The following CCDC171 variants were observed in gnomAD, a reference collection of about 807,000 sequenced individuals.
CCDC171 encodes coiled-coil domain-containing protein 171.
Under a neutral mutation model 168.2 loss-of-function variants are expected in CCDC171, and 177 were observed. That is an observed-to-expected ratio of 1.05 (90% confidence interval 0.93 to 1.19). The LOEUF is 1.19. Among genes scored for constraint, CCDC171 ranks in the 50% most tolerant of loss-of-function variants. CCDC171 has a pLI of 0.00. For missense variants in CCDC171, 1,991 were observed against 1,539.0 expected, an observed-to-expected ratio of 1.29 and a Z score of -4.91; for synonymous variants, 687 against 540.8, an observed-to-expected ratio of 1.27 and a Z score of -3.75.
chr9:15,878,345 C>T (rs1383030135), intron 24 of CCDC171, among the ~76,000 whole-genome samples: 2 of 151,870 alleles, frequency 1.3e-5, no homozygotes, highest in East Asian at 1.9e-4. Flanking sequence ...AGAAGACATA[C>T]ACACAAGTTA....
chr9:15,970,189 A>AT (rs1359163329), intron 25 of CCDC171, among the ~76,000 whole-genome samples: 5 of 152,084 alleles, frequency 3.3e-5, no homozygotes, highest in Non-Finnish European at 7.4e-5. Context: ...GCAGATATTG[A>AT]TTTTTTCTCC....
chr9:15,619,042 A>C (rs1157690990), intron 6 of CCDC171, among the ~76,000 whole-genome samples: 1 of 152,086 alleles, frequency 6.6e-6, no homozygotes. Flanking sequence ...TGCCTGCATA[A>C]GGTGATGTAC....
chr9:16,010,336 A>G (rs1376636652), intron 3 of CCDC171, among the ~76,000 whole-genome samples: 1 of 152,190 alleles, frequency 6.6e-6, no homozygotes, highest in Admixed American at 6.5e-5. Context: ...GAATATTTTT[A>G]ATACCCAGAT....
In CCDC171 at chr9:15,682,019, A is replaced by G. The variant is rs527708239; in HGVS notation, c.1215+3123A>G. 3.9e-5 allele frequency among the ~76,000 whole-genome samples: 6 copies of G among 152,118 alleles called. No homozygotes were observed. In the East Asian group the frequency reaches 1.2e-3, roughly 29 times the overall value. ...AACAGGTAATTTTTCTTCCCTTTTG[A>G]GGTACCAGATTGTTTTCTAGTTTAG... is the stretch of plus-strand genomic sequence containing the variant. On this transcript the variant is annotated intron_variant, in intron 10 of 25. Coordinates refer to ENST00000380701, the MANE Select transcript of CCDC171 (RefSeq NM_173550.4).
At chr9:15,784,318 G>A (rs1339973365) in intron 20 of CCDC171, among the ~76,000 whole-genome samples, 191 bp from the exon 21 acceptor site, 1 of 152,074 alleles carries the variant, frequency 6.6e-6, no homozygotes, top group East Asian at 1.9e-4. Flanking sequence ...AACTAAGTGT[G>A]GCTGTTTTGC....
intron 23 of CCDC171, among the ~76,000 whole-genome samples, chr9:15,862,773 C>T (rs1251279737): frequency 6.6e-6 from 1 of 152,022 alleles, no homozygotes; most frequent in Non-Finnish European, 1.5e-5. Context: ...TTCTTAAAGG[C>T]TCCAGGGTTC....
At chr9:15,785,883 AT>A (rs953054929) in intron 21 of CCDC171, among the ~76,000 whole-genome samples, 111 of 152,058 alleles carry the variant, frequency 7.3e-4, no homozygotes, top group African/African-American at 2.7e-3. Flanking sequence ...TATTATTATG[AT>A]TTTGATTTTT....
In CCDC171 at chr9:15,677,925, T is replaced by TATATATATATATA. The variant is rs59883669; in HGVS notation, c.1077-832_1077-831insTATATATATATAA. On this transcript the variant is annotated intron_variant, in intron 9 of 25. Coordinates refer to ENST00000380701, the MANE Select transcript of CCDC171 (RefSeq NM_173550.4). ...ATATATATATATATATATATATATA[T>TATATATATATATA]AAGAGATGTGGTCTCATTCTGTTAC... 5.2e-3 allele frequency among the ~76,000 whole-genome samples: 219 copies of TATATATATATATA among 41,864 alleles called. 46 individuals are homozygous for TATATATATATATA. The highest frequency in any genetic ancestry group is 0.01 in the East Asian group (7 of 686). The allele number at this position is 41,864 out of a possible 152,430, so 27.5% of individuals were successfully genotyped here.
At chr9:15,783,795 G>A (rs564616943) in intron 20 of CCDC171, among the ~76,000 whole-genome samples, 1 of 152,266 alleles carries the variant, frequency 6.6e-6, no homozygotes, top group East Asian at 1.9e-4. Flanking sequence ...ACCATGTTGT[G>A]TGTTATGGTG....
In CCDC171 at chr9:15,972,684, C is replaced by G. The variant is rs924383156; in HGVS notation, c.*848C>G. 1 of 152,072 alleles carries G rather than the reference C, an allele frequency of 6.6e-6. No individual in the cohort carries two copies. The highest frequency in any genetic ancestry group is 1.5e-5 in the Non-Finnish European group (1 of 68,006). The allele number at this position is 152,072 out of a possible 1,614,324, so 9.4% of individuals were successfully genotyped here. A position where few individuals can be genotyped will look rare whatever the true frequency, so the allele number is the denominator to read the frequency against. On this transcript the variant is annotated 3_prime_UTR_variant, in exon 26 of 26. Coordinates refer to ENST00000380701, the MANE Select transcript of CCDC171 (RefSeq NM_173550.4). Reference sequence around the variant, plus strand: ...GCTGTTTTGACCTTCAAAATAGACTCCTTTTTTGTTTTTGTTGTTGGTAGG... The same window carrying G: ...GCTGTTTTGACCTTCAAAATAGACTGCTTTTTTGTTTTTGTTGTTGGTAGG...
intron 18 of CCDC171, among the ~76,000 whole-genome samples, chr9:15,767,170 A>G (rs1296843724): frequency 6.6e-6 from 1 of 152,232 alleles, no homozygotes; most frequent in African/African-American, 2.4e-5. Context: ...TAAAGACCAC[A>G]CGAATTTATT....
intron 24 of CCDC171, among the ~76,000 whole-genome samples, chr9:15,913,010 G>T (rs907574446): frequency 6.6e-6 from 1 of 152,036 alleles, no homozygotes; most frequent in Non-Finnish European, 1.5e-5. Context: ...TTTTTTTGTT[G>T]TGTCTCTGCC....
chr9:15,786,482 T>C (rs2057961478), intron 21 of CCDC171, among the ~76,000 whole-genome samples: 2 of 152,182 alleles, frequency 1.3e-5, no homozygotes, highest in Non-Finnish European at 2.9e-5. Flanking sequence ...TATAACTGAA[T>C]ATAGGTTAAT....
intron 24 of CCDC171, among the ~76,000 whole-genome samples, chr9:15,887,242 CTTTA>C (rs1819553346): frequency 6.6e-6 from 1 of 152,000 alleles, no homozygotes; most frequent in African/African-American, 2.4e-5. Flanking sequence ...TATATACAAA[CTTTA>C]TTTGTCAAAA....
intron 24 of CCDC171, among the ~76,000 whole-genome samples, chr9:15,884,869 C>T (rs1210563625): frequency 6.6e-6 from 1 of 152,094 alleles, no homozygotes; most frequent in Non-Finnish European, 1.5e-5. Context: ...AGGTCAGGAA[C>T]GGTGACCCAA....
chr9:15,865,337 A>G (rs1047033342), intron 23 of CCDC171, among the ~76,000 whole-genome samples: 1 of 151,390 alleles, frequency 6.6e-6, no homozygotes, highest in Non-Finnish European at 1.5e-5. Context: ...ACATACATAC[A>G]TACATATATA....
intron 4 of CCDC171, among the ~76,000 whole-genome samples, chr9:15,582,764 A>G (rs2041233576): frequency 6.6e-6 from 1 of 151,806 alleles, no homozygotes; most frequent in African/African-American, 2.4e-5. Flanking sequence ...GGGGAACATC[A>G]CACACTGGGG....
chr9:16,078,065 C>T, the CCDC171 span, among the ~76,000 whole-genome samples: 1 of 48,458 alleles, frequency 2.1e-5, no homozygotes, highest in African/African-American at 3.4e-4. Context: ...AACACACACA[C>T]ACACACACAC....
In CCDC171 at chr9:15,744,730, G is replaced by T; in HGVS notation, c.2507G>T (p.Gly836Val). 8.7e-6 allele frequency: 14 copies of T among 1,613,996 alleles called. No homozygotes were observed. The highest frequency in any genetic ancestry group is 1.2e-5 in the Non-Finnish European group (14 of 1,180,000). ...ATGGAGAGTTTCAAAGAAGGCATAG[G>T]CATGTTAGTGTGCACAGGAGAGCCC... Reference protein sequence around the residue: ...TWMESFKEGIGMLVCTGEPQD... With the variant: ...TWMESFKEGIVMLVCTGEPQD... The change falls in exon 17 of 26, where the codon GGC (glycine) becomes GTC (valine). Residue 836 changes from glycine to valine, a missense_variant. Coordinates refer to ENST00000380701, the MANE Select transcript of CCDC171 (RefSeq NM_173550.4).
Sources: gnomAD v4.1 joint callset for allele counts (sites outside exome capture counted in the v4.1 genomes callset) on GRCh38, gnomAD v4.1.1 for gene constraint, MANE v1.5 for transcripts, NCBI Gene and HGNC (gene_info 2026-07-23, HGNC 2026-07-21) for gene names.